Variants in NAXD observed in about 807,000 individuals in gnomAD.
The protein encoded by NAXD is NAD(P)HX dehydratase.
In NAXD, 22 loss-of-function variants were observed where a neutral mutation model predicts 35.8. The ratio of observed to expected loss-of-function variants is 0.62; its 90% CI spans 0.44 to 0.88. The LOEUF (loss-of-function observed/expected upper bound fraction) is 0.88. NAXD is among the 40% of genes least tolerant of loss of function. The probability of loss-of-function intolerance (pLI) is 0.00; values close to 1 mark genes in which losing one functional copy is unlikely to be tolerated. For missense variants in NAXD, 428 were observed against 437.7 expected (o/e 0.98, Z 0.20); for synonymous variants, 189 against 177.6 (o/e 1.06, Z -0.51).
intron 5 of NAXD, among the ~76,000 whole-genome samples, chr13:110,631,250 C>T (rs1886685509): frequency 6.6e-6 from 1 of 152,164 alleles, no homozygotes; most frequent in Non-Finnish European, 1.5e-5. Context: ...TGTGGATACT[C>T]ATTATTTTTA....
At chr13:110,620,093 C>T (rs1214693846) in intron 1 of NAXD, among the ~76,000 whole-genome samples, 11 of 152,116 alleles carry the variant, frequency 7.2e-5, no homozygotes, top group Admixed American at 7.2e-4. Context: ...GCCACTGCGC[C>T]TGGCCCCATA....
rs1248596089 is a variant in NAXD, at chr13:110,622,367, G to A, written c.197+1G>A. 3.1e-6 allele frequency: 5 copies of A among 1,613,918 alleles called. No homozygotes were observed. The highest frequency in any genetic ancestry group is 2.7e-5 in the African/African-American group (2 of 74,932). On this transcript the variant is annotated splice_donor_variant, in intron 2 of 9. Transcript: ENST00000680254. LOFTEE classifies it high-confidence loss of function. ...TAGGCGTAGTTGGAGGCTGTCAGGAGTAAGTAGCTGATGTGCAGTGTTGGT... is the reference window on the plus strand; with the variant it reads ...TAGGCGTAGTTGGAGGCTGTCAGGAATAAGTAGCTGATGTGCAGTGTTGGT...
intron 4 of NAXD, among the ~76,000 whole-genome samples, 160 bp from the exon 5 acceptor site, chr13:110,627,279 C>G (rs1053347199): frequency 6.6e-6 from 1 of 152,132 alleles, no homozygotes; most frequent in South Asian, 2.1e-4. Flanking sequence ...TACATGGGAG[C>G]CTTCTGTACT....
chr13:110,627,313 C>A, intron 4 of NAXD, 126 bp from the exon 5 acceptor site: 1 of 669,690 alleles, frequency 1.5e-6, no homozygotes, highest in Non-Finnish European at 2.5e-6. Flanking sequence ...ATCTAAATTA[C>A]AGAAATTATT....
At chr13:110,630,173 C>T (rs1886651133) in intron 5 of NAXD, among the ~76,000 whole-genome samples, 2 of 152,066 alleles carry the variant, frequency 1.3e-5, no homozygotes, top group Admixed American at 6.5e-5. Context: ...GGACTACAGG[C>T]GCCCACCATC....
At position 110,638,394 on chromosome 13, in the gene NAXD, G is replaced by T; in HGVS notation, c.856G>T (p.Val286Leu). The T allele has an allele frequency of 6.2e-7, 1 of 1,613,700 alleles. No homozygotes were observed. The highest frequency in any genetic ancestry group is 8.5e-7 in the Non-Finnish European group (1 of 1,180,016). Residue 286 changes from valine to leucine, a missense_variant, in exon 10 of 10, where the codon GTG becomes TTG. Val to Leu is a conservative substitution (Grantham distance 32, BLOSUM62 1). Coordinates refer to ENST00000680254, the MANE Select transcript of NAXD (RefSeq NM_001242882.2). This position sits in a 1 kb window ranked among gnomAD's most constrained non-coding sequence, Gnocchi z 5.4. ...QKTNGSSPLL[V>L]AAFGACSLTR... ...TCTCCGCAGGTCCAGCCCTCTCCTG[G>T]TGGCCGCGTTTGGCGCCTGCTCTCT...
At position 110,630,506 on chromosome 13, in the gene NAXD, C is replaced by T. The variant is rs536043465; in HGVS notation, c.441+2959C>T. 3.3e-5 allele frequency among the ~76,000 whole-genome samples: 5 copies of T among 152,266 alleles called. No homozygotes were observed. The East Asian group carries it at 9.6e-4, about 29-fold the overall frequency. On this transcript the variant is annotated intron_variant, in intron 5 of 9. Transcript: ENST00000680254. ...CATTCTGTAGGTTGTCTTTTCACTT[C>T]GATGGTTTTGTTTACAGCACAGTTT...
At chr13:110,634,028 C>T (rs556842812) in intron 5 of NAXD, among the ~76,000 whole-genome samples, 3 of 152,330 alleles carry the variant, frequency 2.0e-5, no homozygotes, top group South Asian at 4.1e-4. Context: ...TTGTTCATAG[C>T]GTTTCCAGTG....
At chr13:110,629,471 C>T (rs1014837397) in intron 5 of NAXD, among the ~76,000 whole-genome samples, 2 of 152,180 alleles carry the variant, frequency 1.3e-5, no homozygotes, top group Non-Finnish European at 2.9e-5. Context: ...TCCCTGTTCC[C>T]CAGTCTCCCC....
chr13:110,633,126 G>A (rs538511648), intron 5 of NAXD, among the ~76,000 whole-genome samples: 1 of 152,196 alleles, frequency 6.6e-6, no homozygotes, highest in Non-Finnish European at 1.5e-5. Flanking sequence ...GCCCATGGAG[G>A]GGGTGGGAGG....
rs370702782 is a variant in NAXD at position 110,633,154 on chromosome 13, G to A, written c.442-1391G>A. On this transcript the variant is annotated intron_variant, in intron 5 of 9. Coordinates refer to ENST00000680254, the MANE Select transcript of NAXD (RefSeq NM_001242882.2). ...GTGGGAGGCTCAGGCATGGCGGGCTGCAGGTCCCGAGCCCTGCCCGGCGGG... is the reference window on the plus strand; with the variant it reads ...GTGGGAGGCTCAGGCATGGCGGGCTACAGGTCCCGAGCCCTGCCCGGCGGG... Among the ~76,000 whole-genome samples, 18 of 152,320 alleles carry A rather than the reference G, an allele frequency of 1.2e-4. No individual in the cohort carries two copies. The East Asian group carries it at 1.7e-3, about 15-fold the overall frequency.
intron 4 of NAXD, among the ~76,000 whole-genome samples, chr13:110,626,288 T>C (rs1886481040): frequency 6.6e-6 from 1 of 150,870 alleles, no homozygotes; most frequent in South Asian, 2.1e-4. Context: ...AGTTTGGGGG[T>C]GGAATTTGCC....
rs987026900 is a variant in NAXD at position 110,638,539 on chromosome 13, A to G, written c.*11A>G. 3.1e-6 allele frequency: 5 copies of G among 1,611,180 alleles called. No individual in the cohort carries two copies. The African/African-American group carries it at 6.7e-5, about 22-fold the overall frequency. ...CTCTTTGAAACCTGAGCCCGCGCAG[A>G]CCAGAAGTAAACAGGCACCTTGGAC... On this transcript the variant is annotated 3_prime_UTR_variant, in exon 10 of 10. Coordinates refer to ENST00000680254, the MANE Select transcript of NAXD (RefSeq NM_001242882.2). This position sits in a 1 kb window ranked among gnomAD's most constrained non-coding sequence, Gnocchi z 5.4.
At chr13:110,616,507 G>A (rs1303950962) in intron 1 of NAXD, among the ~76,000 whole-genome samples, 6 of 152,248 alleles carry the variant, frequency 3.9e-5, no homozygotes, top group Admixed American at 2.0e-4. Flanking sequence ...ATGTCCCCGA[G>A]GGCCCTGCCC....
At chr13:110,620,295 G>A (rs2139628754) in intron 1 of NAXD, among the ~76,000 whole-genome samples, 1 of 150,784 alleles carries the variant, frequency 6.6e-6, no homozygotes, top group South Asian at 2.1e-4. Flanking sequence ...AAAGATTTGG[G>A]GTTGGGCTGA....
chr13:110,638,305 A>G lies in NAXD; in HGVS notation c.840-73A>G. ...AGATTGAAACAGGAGTCAAAACCAGAGCCCAGGGTAGCTGCGGCCCCCGGA... is the reference window on the plus strand; with the variant it reads ...AGATTGAAACAGGAGTCAAAACCAGGGCCCAGGGTAGCTGCGGCCCCCGGA... On this transcript the variant is annotated intron_variant, in intron 9 of 9. Coordinates refer to ENST00000680254, the MANE Select transcript of NAXD (RefSeq NM_001242882.2). The surrounding 1 kb of genome is among the most constrained non-coding windows in gnomAD (Gnocchi z 5.4). 6.2e-7 allele frequency: 1 copy of G among 1,608,350 alleles called. No homozygotes were observed. The highest frequency in any genetic ancestry group is 1.1e-5 in the South Asian group (1 of 90,518).
At chr13:110,616,771 G>A (rs1886074869) in intron 1 of NAXD, among the ~76,000 whole-genome samples, 1 of 152,216 alleles carries the variant, frequency 6.6e-6, no homozygotes, top group Non-Finnish European at 1.5e-5. Context: ...GAAGCTCAGA[G>A]AAAGTGACTT....
intron 2 of NAXD, among the ~76,000 whole-genome samples, chr13:110,623,567 G>A (rs1886344999): frequency 6.6e-6 from 1 of 152,222 alleles, no homozygotes; most frequent in Non-Finnish European, 1.5e-5. Flanking sequence ...CGACTGCTCC[G>A]AACATGTGGT....
chr13:110,630,971 T>C (rs763839575), intron 5 of NAXD, among the ~76,000 whole-genome samples: 21 of 152,246 alleles, frequency 1.4e-4, no homozygotes, highest in Non-Finnish European at 2.4e-4. Flanking sequence ...AAGGTTGTTT[T>C]GGCTCTCCTG....
Sources: allele counts gnomAD v4.1 joint callset (sites outside exome capture counted in the v4.1 genomes callset), GRCh38; gene constraint gnomAD v4.1.1; non-coding constraint Gnocchi (gnomAD v3.1); transcripts MANE v1.5; gene names NCBI Gene and HGNC (gene_info 2026-07-23, HGNC 2026-07-21).